The following OR9G4 variants were observed in gnomAD, a reference collection of about 807,000 sequenced individuals.
OR9G4 encodes olfactory receptor family 9 subfamily G member 4.
OR9G4 carries 19 observed loss-of-function variants against 16.7 expected under a neutral mutation model. That is an observed-to-expected ratio of 1.14 (90% CI 0.79 to 1.67). OR9G4 has a LOEUF of 1.67. Among genes scored for constraint, OR9G4 ranks in the 40% most tolerant of loss-of-function variants. The pLI is 0.00. For synonymous variants in OR9G4, 182 were observed against 146.2 expected (o/e 1.24, Z -1.76); for missense variants, 428 against 370.4 (o/e 1.16, Z -1.28).
intron 1 of OR9G4, among the ~76,000 whole-genome samples, chr11:56,747,571 GA>G (rs1298809855): frequency 2.0e-5 from 3 of 152,120 alleles, no homozygotes; most frequent in African/African-American, 7.2e-5. Context: ...CCAGCACAAA[GA>G]ACAGTTCCTA....
chr11:56,743,355 T>A lies in OR9G4; in HGVS notation c.412A>T (p.Thr138Ser). 1 of 1,614,128 alleles carries A rather than the reference T, an allele frequency of 6.2e-7. No individual in the cohort carries two copies. The highest frequency in any genetic ancestry group is 1.3e-5 in the African/African-American group (1 of 75,032). Residue 138 changes from threonine (T) to serine (S), a missense_variant, in exon 2 of 2, where the codon ACC (threonine) becomes TCC (serine). Physicochemically the swap from Thr to Ser is moderately conservative, Grantham distance 58. Coordinates refer to ENST00000641668, the MANE Select transcript of OR9G4 (RefSeq NM_001005284.2). ...GCAACAAGCCCAGTACAGAGGGCGG[T>A]GGACATGGTACCTGAATAAAGCAAT... ...NPLLYSGTMS[T>S]ALCTGLVAGS...
rs139092217 is a variant in OR9G4 at position 56,743,106 on chromosome 11, T to C, written c.661A>G (p.Ile221Val). 45 of 1,613,984 alleles carry C rather than the reference T, an allele frequency of 2.8e-5. No homozygotes were observed. The African/African-American group carries it at 5.7e-4, about 21-fold the overall frequency. ...ILAILISYVN[I>V]LLAILRIHSA... ...TGGATTCTCAGGATAGCCAGGAGGA[T>C]GTTGACATAGGAAATCAGGATAGCA... The change falls in exon 2 of 2, where the codon ATC (isoleucine) becomes GTC (valine). Residue 221 changes from isoleucine to valine, a missense_variant. Physicochemically the swap from Ile to Val is conservative, Grantham distance 29. Transcript: ENST00000641668.
chr11:56,743,866 A>C (rs1858359879), intron 1 of OR9G4, 78 bp from the exon 2 acceptor site: 1 of 1,476,964 alleles, frequency 6.8e-7, no homozygotes, highest in African/African-American at 1.4e-5. Flanking sequence ...TTAAATCAAC[A>C]ATTACTAAGA....
chr11:56,744,445 C>T (rs911444824), intron 1 of OR9G4, among the ~76,000 whole-genome samples: 1 of 152,168 alleles, frequency 6.6e-6, no homozygotes, highest in African/African-American at 2.4e-5. Context: ...AGTGGGCACT[C>T]AAAAAATTTC....
At chr11:56,744,092 G>A in intron 1 of OR9G4, 1 of 333,834 alleles carries the variant, frequency 3.0e-6, no homozygotes, top group Non-Finnish European at 5.4e-6. Context: ...TTTTGAGATG[G>A]AATCTCACTC....
At chr11:56,743,884 A>C (rs746634329) in intron 1 of OR9G4, 96 bp from the exon 2 acceptor site, 8 of 1,379,410 alleles carry the variant, frequency 5.8e-6, no homozygotes, top group Non-Finnish European at 7.9e-6. Context: ...AGAAGCTTGT[A>C]GATTTTTCTC....
Position 56,743,356 on chromosome 11 carries a change from G to A in OR9G4, c.411C>T (p.Ser137=), listed in dbSNP as rs1474427641. The change falls in exon 2 of 2, where the codon TCC becomes TCT. Residue 137 remains serine (S), a synonymous_variant. Coordinates refer to ENST00000641668, the MANE Select transcript of OR9G4 (RefSeq NM_001005284.2). ...CAACAAGCCCAGTACAGAGGGCGGT[G>A]GACATGGTACCTGAATAAAGCAATG... ...CNPLLYSGTM[S]TALCTGLVAG... is the part of the protein sequence containing the mutation. 6.2e-7 allele frequency: 1 copy of A among 1,614,142 alleles called. No homozygotes were observed. Among genetic ancestry groups the A allele is most frequent in the Non-Finnish European group, 8.5e-7 (1 of 1,180,016 alleles).
At chr11:56,747,659 G>A (rs1858439086) in intron 1 of OR9G4, among the ~76,000 whole-genome samples, 1 of 151,922 alleles carries the variant, frequency 6.6e-6, no homozygotes, top group African/African-American at 2.4e-5. Flanking sequence ...AGCTGGTTTA[G>A]CAAAGTACTT....
chr11:56,743,105 A>C lies in OR9G4; in HGVS notation c.662T>G (p.Ile221Ser). The C allele has an allele frequency of 6.2e-7, 1 of 1,614,132 alleles. No homozygotes were observed. Among genetic ancestry groups the C allele is most frequent in the Non-Finnish European group, 8.5e-7 (1 of 1,180,016 alleles). ...GTGGATTCTCAGGATAGCCAGGAGG[A>C]TGTTGACATAGGAAATCAGGATAGC... ...ILAILISYVN[I>S]LLAILRIHSA... Residue 221 changes from isoleucine (I) to serine (S), a missense_variant, in exon 2 of 2, where the codon ATC becomes AGC. Physicochemically the swap from Ile to Ser is moderately radical, Grantham distance 142. Coordinates refer to ENST00000641668, the MANE Select transcript of OR9G4 (RefSeq NM_001005284.2).
chr11:56,746,086 G>A (rs994660990), intron 1 of OR9G4, among the ~76,000 whole-genome samples: 70 of 151,866 alleles, frequency 4.6e-4, no homozygotes, highest in Admixed American at 4.0e-3. Flanking sequence ...AAGGTCAGGA[G>A]ATCGAGACCA....
rs1565064459 is a variant in OR9G4 at position 56,742,996 on chromosome 11, A to G, written c.771T>C (p.Phe257=). 1 of 1,614,094 alleles carries G rather than the reference A, an allele frequency of 6.2e-7. No homozygotes were observed. Among genetic ancestry groups the G allele is most frequent in the Admixed American group, 1.7e-5 (1 of 60,016 alleles). Residue 257 remains phenylalanine, a synonymous_variant, in exon 2 of 2, where the codon TTT becomes TTC. Transcript: ENST00000641668. Reference sequence around the variant, plus strand: ...AGGTGGAACTAGGCCTTGAATACATAAACAACAATGATCCATAGAAGAGCA... The same window carrying G: ...AGGTGGAACTAGGCCTTGAATACATGAACAACAATGATCCATAGAAGAGCA... ...SVMLFYGSLL[F]MYSRPSSTYS... is the part of the protein sequence containing the mutation.
intron 1 of OR9G4, among the ~76,000 whole-genome samples, chr11:56,744,849 T>C (rs769603581): frequency 1.3e-5 from 2 of 152,198 alleles, no homozygotes; most frequent in Non-Finnish European, 2.9e-5. Context: ...CCCTTCTATA[T>C]GATCCAGCCT....
Position 56,743,506 on chromosome 11 carries a change from T to C in OR9G4, c.261A>G (p.Ser87=). The change falls in exon 2 of 2, where the codon TCA becomes TCG. Residue 87 remains serine, a synonymous_variant. Transcript: ENST00000641668. ...CAGCCAAGGAAATGCGCTTATCTTC[T>C]GAGACACAACTGGCCAGGATTTTGG... ...YTPKILASCV[S]EDKRISLAGC... 7 of 1,614,160 alleles carry C rather than the reference T, an allele frequency of 4.3e-6. No individual in the cohort carries two copies. Among genetic ancestry groups the C allele is most frequent in the Non-Finnish European group, 5.1e-6 (6 of 1,180,018 alleles).
chr11:56,743,668 C>T lies in OR9G4; in HGVS notation c.99G>A (p.Met33Ile), dbSNP rs766236065. ...WQPILFGVFL[M>I]LYLITLSGNM... is the part of the protein sequence containing the mutation. ...TTCCTGACAAGGTTATCAAATAGAG[C>T]ATCAGAAACACTCCAAATAGAATCG... The change falls in exon 2 of 2, where the codon ATG becomes ATA. Residue 33 changes from methionine to isoleucine, a missense_variant. By Grantham distance (10) the Met-to-Ile change is conservative. Coordinates refer to ENST00000641668, the MANE Select transcript of OR9G4 (RefSeq NM_001005284.2). The T allele has an allele frequency of 1.7e-5, 27 of 1,613,970 alleles. No individual in the cohort carries two copies. The South Asian group carries it at 2.4e-4, about 14-fold the overall frequency.
rs1278870610 is a variant in OR9G4 at position 56,741,274 on chromosome 11, T to C, written c.*1554A>G. 3.9e-6 allele frequency: 1 copy of C among 259,312 alleles called. No homozygotes were observed. The highest frequency in any genetic ancestry group is 2.3e-5 in the African/African-American group (1 of 43,618). 16.1% of individuals were successfully genotyped at this position (259,312 alleles called of 1,614,324 possible). A position where few individuals can be genotyped will look rare whatever the true frequency, so the allele number is the denominator to read the frequency against. ...ATGATTTTGAGATCAGACTATAATA[T>C]ATACTACAGTATTGTAGATTCAATT... On this transcript the variant is annotated 3_prime_UTR_variant, in exon 2 of 2. Coordinates refer to ENST00000641668, the MANE Select transcript of OR9G4 (RefSeq NM_001005284.2).
chr11:56,743,181 C>T lies in OR9G4; in HGVS notation c.586G>A (p.Glu196Lys), dbSNP rs147669235. The T allele has an allele frequency of 1.7e-5, 27 of 1,614,074 alleles. No individual in the cohort carries two copies. The highest frequency in any genetic ancestry group is 8.0e-5 in the African/African-American group (6 of 75,022). The change falls in exon 2 of 2, where the codon GAA becomes AAA. Residue 196 changes from glutamate to lysine, a missense_variant. Glu to Lys is a moderately conservative substitution (Grantham distance 56). Transcript: ENST00000641668. ...CCCACCACACCAAGCAGGACTTTTT[C>T]GTAGACCCTGGTGTTTGTACAGGAC... ...KMSCTNTRVY[E>K]KVLLGVVGFT...
intron 1 of OR9G4, among the ~76,000 whole-genome samples, chr11:56,746,464 T>C (rs2135062294): frequency 6.6e-6 from 1 of 152,284 alleles, no homozygotes; most frequent in South Asian, 2.1e-4. Flanking sequence ...CAAATATGAA[T>C]ATGTACATAT....
At position 56,743,381 on chromosome 11, in the gene OR9G4, G is replaced by A. The variant is rs189294175; in HGVS notation, c.386C>T (p.Pro129Leu). Reference protein sequence around the residue: ...AYDRHAAICNPLLYSGTMSTA... With the variant: ...AYDRHAAICNLLLYSGTMSTA... ...GGACATGGTACCTGAATAAAGCAAT[G>A]GGTTACAAATTGCTGCATGGCGGTC... The change falls in exon 2 of 2, where the codon CCA becomes CTA. Residue 129 changes from proline to leucine, a missense_variant. Physicochemically the swap from Pro to Leu is moderately conservative, Grantham distance 98. Coordinates refer to ENST00000641668, the MANE Select transcript of OR9G4 (RefSeq NM_001005284.2). 9.9e-6 allele frequency: 16 copies of A among 1,614,028 alleles called. No homozygotes were observed. Among genetic ancestry groups the A allele is most frequent in the African/African-American group, 1.3e-5 (1 of 75,030 alleles).
At chr11:56,747,453 T>C (rs1415382891) in intron 1 of OR9G4, among the ~76,000 whole-genome samples, 1 of 152,134 alleles carries the variant, frequency 6.6e-6, no homozygotes, top group Non-Finnish European at 1.5e-5. Context: ...CCCCCTCATC[T>C]ATTGTCATCC....
Sources: allele counts gnomAD v4.1 joint callset (sites outside exome capture counted in the v4.1 genomes callset), GRCh38; gene constraint gnomAD v4.1.1; transcripts MANE v1.5; gene names NCBI Gene and HGNC (gene_info 2026-07-23, HGNC 2026-07-21).